KIAA1217: variants seen among roughly 807,000 people sequenced by gnomAD.
KIAA1217 encodes KIAA1217.
A neutral mutation model predicts 163.9 loss-of-function variants in KIAA1217; 88 were observed. The ratio of observed to expected loss-of-function variants is 0.54; its 90% confidence interval spans 0.45 to 0.64. The LOEUF (loss-of-function observed/expected upper bound fraction) is 0.64, where lower values mean the gene tolerates loss of function less well. Ranked by LOEUF, KIAA1217 falls within the 30% of genes least tolerant of loss-of-function variation. The probability of loss-of-function intolerance (pLI) is 0.00; values close to 1 mark genes in which losing one functional copy is unlikely to be tolerated. For synonymous variants in KIAA1217, 903 were observed against 923.1 expected, an observed-to-expected ratio of 0.98 and a Z score of 0.39; for missense variants, 2,372 against 2,475.0, an observed-to-expected ratio of 0.96 and a Z score of 0.88.
intron 1 of KIAA1217, among the ~76,000 whole-genome samples, chr10:23,748,478 A>C (rs1022866393): frequency 2.1e-5 from 3 of 145,096 alleles, no homozygotes; most frequent in Admixed American, 6.8e-5. Flanking sequence ...GGAAGGAAGG[A>C]AGGAAGGAAG....
intron 2 of KIAA1217, among the ~76,000 whole-genome samples, chr10:24,041,206 A>C (rs1455443856): frequency 6.6e-6 from 1 of 152,332 alleles, no homozygotes; most frequent in Non-Finnish European, 1.5e-5. Flanking sequence ...CCAAGGGAAC[A>C]CAGAATAATC....
chr10:23,731,202 G>A (rs1036288222), intron 1 of KIAA1217, among the ~76,000 whole-genome samples: 4 of 151,964 alleles, frequency 2.6e-5, no homozygotes, highest in Admixed American at 2.6e-4. Context: ...TTGAGGGAGG[G>A]GAAGGTGGAA....
At chr10:24,375,391 C>T (rs994384320) in intron 2 of KIAA1217, among the ~76,000 whole-genome samples, 7 of 152,290 alleles carry the variant, frequency 4.6e-5, no homozygotes, top group South Asian at 2.1e-4. Flanking sequence ...AATTTAGAAG[C>T]GTAGAGCTTC....
chr10:24,286,441 C>CAT (rs1317589850), intron 2 of KIAA1217, among the ~76,000 whole-genome samples: 3 of 151,566 alleles, frequency 2.0e-5, no homozygotes, highest in South Asian at 2.1e-4. Context: ...CACACACACA[C>CAT]GCATATATAT....
chr10:24,087,859 G>A (rs75839604), intron 2 of KIAA1217, among the ~76,000 whole-genome samples: 6,357 of 152,200 alleles, frequency 0.042, 225 homozygotes, highest in African/African-American at 0.1. Flanking sequence ...TGCCTGCAGC[G>A]GTGTTAGAAA....
intron 1 of KIAA1217, among the ~76,000 whole-genome samples, chr10:23,905,063 CTTTTTT>C (rs562938938): frequency 1.0e-5 from 1 of 99,942 alleles, no homozygotes; most frequent in Non-Finnish European, 2.0e-5. Context: ...TTCTCTTTTC[CTTTTTT>C]TTTTTTTTTT....
intron 2 of KIAA1217, among the ~76,000 whole-genome samples, chr10:24,238,276 C>A (rs1274712396): frequency 6.6e-6 from 1 of 152,136 alleles, no homozygotes; most frequent in Non-Finnish European, 1.5e-5. Context: ...CATATGACAG[C>A]GACCTGATAA....
chr10:24,061,134 C>T (rs374436862), intron 2 of KIAA1217, among the ~76,000 whole-genome samples: 7 of 151,962 alleles, frequency 4.6e-5, no homozygotes, highest in African/African-American at 1.4e-4. Context: ...GTTTTGATTC[C>T]ATTCTATTTT....
chr10:24,390,417 C>T (rs1007904865), intron 3 of KIAA1217, among the ~76,000 whole-genome samples: 1 of 133,732 alleles, frequency 7.5e-6, no homozygotes, highest in Admixed American at 8.2e-5. Flanking sequence ...AAAACCGATA[C>T]ACACAATAAA....
intron 1 of KIAA1217, among the ~76,000 whole-genome samples, chr10:23,950,654 T>A (rs751836204): frequency 6.6e-6 from 1 of 152,108 alleles, no homozygotes; most frequent in East Asian, 1.9e-4. Flanking sequence ...TAAAAATGGG[T>A]TAGGGTTAGA....
At chr10:24,082,973 G>T (rs146674437) in intron 2 of KIAA1217, among the ~76,000 whole-genome samples, 3,573 of 152,218 alleles carry the variant, frequency 0.023, 134 homozygotes, top group African/African-American at 0.082. Context: ...TTGTGGTTTT[G>T]ATTTGCATTT....
At chr10:24,227,475 A>G (rs2070745595) in intron 2 of KIAA1217, among the ~76,000 whole-genome samples, 1 of 151,748 alleles carries the variant, frequency 6.6e-6, no homozygotes, top group Non-Finnish European at 1.5e-5. Context: ...ATTCTTTAAC[A>G]TGAACATTAC....
At chr10:24,150,787 G>A (rs1048070817) in intron 2 of KIAA1217, among the ~76,000 whole-genome samples, 6 of 151,984 alleles carry the variant, frequency 3.9e-5, no homozygotes, top group African/African-American at 7.3e-5. Flanking sequence ...CTTCCTTCTC[G>A]GTAGCTGAAT....
At chr10:23,801,451 T>C (rs1466387227) in intron 1 of KIAA1217, among the ~76,000 whole-genome samples, 3 of 152,164 alleles carry the variant, frequency 2.0e-5, no homozygotes, top group Admixed American at 1.3e-4. Context: ...ATTCTGCACA[T>C]GTATCCCAGA....
chr10:24,261,489 CTG>C (rs1200259034), intron 2 of KIAA1217, among the ~76,000 whole-genome samples: 2 of 120,854 alleles, frequency 1.7e-5, no homozygotes, highest in East Asian at 4.8e-4. Flanking sequence ...GAGCAAGACT[CTG>C]TCTCAGACAA....
chr10:24,049,590 G>A (rs1042064964), intron 2 of KIAA1217, among the ~76,000 whole-genome samples: 18 of 152,096 alleles, frequency 1.2e-4, no homozygotes, highest in African/African-American at 4.3e-4. Flanking sequence ...AGTTTGCTGA[G>A]AATGATGGTT....
At chr10:24,135,905 G>T (rs1217391685) in intron 2 of KIAA1217, among the ~76,000 whole-genome samples, 1 of 152,152 alleles carries the variant, frequency 6.6e-6, no homozygotes, top group Non-Finnish European at 1.5e-5. Context: ...CTGTCTCTGG[G>T]CATTCTGTAT....
At chr10:24,316,031 G>C (rs2043321402) in intron 2 of KIAA1217, among the ~76,000 whole-genome samples, 2 of 151,878 alleles carry the variant, frequency 1.3e-5, no homozygotes, top group South Asian at 4.1e-4. Flanking sequence ...AACACTTTAG[G>C]CATCTGTTTC....
At chr10:24,404,048 C>T (rs1159229814) in intron 3 of KIAA1217, among the ~76,000 whole-genome samples, 4 of 152,194 alleles carry the variant, frequency 2.6e-5, no homozygotes, top group African/African-American at 7.2e-5. Flanking sequence ...GCCCCCATCT[C>T]CCAGGCTCAG....
Sources: gnomAD v4.1 joint callset for allele counts (sites outside exome capture counted in the v4.1 genomes callset) on GRCh38, gnomAD v4.1.1 for gene constraint, MANE v1.5 for transcripts, NCBI Gene and HGNC (gene_info 2026-07-23, HGNC 2026-07-21) for gene names.